Variants in RGS17 observed in about 807,000 individuals in gnomAD.
The protein encoded by RGS17 is regulator of G-protein signaling 17.
In RGS17, 12 loss-of-function variants were observed where a neutral mutation model predicts 25.5. The ratio of observed to expected loss-of-function variants is 0.47; its 90% CI spans 0.30 to 0.76. The LOEUF (loss-of-function observed/expected upper bound fraction) is 0.76. Ranked by LOEUF, RGS17 falls within the 30% of genes least tolerant of loss-of-function variation. RGS17 has a pLI of 0.07. For missense variants in RGS17, 196 were observed against 242.2 expected (o/e 0.81, Z 1.27); for synonymous variants, 71 against 76.9 (o/e 0.92, Z 0.40).
chr6:153,040,624 C>T (rs974989551), intron 2 of RGS17, among the ~76,000 whole-genome samples: 1 of 151,860 alleles, frequency 6.6e-6, no homozygotes. Flanking sequence ...CCCTAAATTA[C>T]ATTTTTAGTG....
In RGS17 at chr6:153,090,865, G is replaced by C. The variant is rs148903333; in HGVS notation, c.-26+40259C>G. 2.1e-3 allele frequency among the ~76,000 whole-genome samples: 283 copies of C among 136,700 alleles called. 2 individuals are homozygous for C. In the East Asian group the frequency reaches 0.032, roughly 16 times the overall value. The allele number at this position is 136,700 out of a possible 152,430, so 89.7% of individuals were successfully genotyped here. Reference sequence around the variant, plus strand: ...AAAAAAACATAGTATATATATATAGGGTTCTGTGGTTTCAGGTGTCCACAG... The same window carrying C: ...AAAAAAACATAGTATATATATATAGCGTTCTGTGGTTTCAGGTGTCCACAG... On this transcript the variant is annotated intron_variant, in intron 1 of 4. Transcript: ENST00000206262.
intron 4 of RGS17, among the ~76,000 whole-genome samples, chr6:153,019,525 G>C (rs984059292): frequency 6.6e-6 from 1 of 152,112 alleles, no homozygotes; most frequent in East Asian, 1.9e-4. Context: ...GGAGATGACT[G>C]GTTCATGGGG....
chr6:153,011,510 G>T lies in RGS17; in HGVS notation c.*64C>A. The T allele has an allele frequency of 8.8e-7, 1 of 1,135,430 alleles. No individual in the cohort carries two copies. The highest frequency in any genetic ancestry group is 1.3e-6 in the Non-Finnish European group (1 of 771,554). 70.3% of individuals were successfully genotyped at this position (1,135,430 alleles called of 1,614,324 possible). On this transcript the variant is annotated 3_prime_UTR_variant, in exon 5 of 5. Transcript: ENST00000206262. The stretch of plus-strand genomic sequence containing the variant: ...GTAGTTCTCCAGGAACTCAGTTTCT[G>T]ATGTTATTTAACTACTTTTATTTCC...
chr6:153,090,662 T>C (rs1053967637), intron 1 of RGS17, among the ~76,000 whole-genome samples: 1 of 151,936 alleles, frequency 6.6e-6, no homozygotes, highest in Non-Finnish European at 1.5e-5. Flanking sequence ...AAATAAACAA[T>C]GCATAAGATT....
intron 1 of RGS17, among the ~76,000 whole-genome samples, chr6:153,070,922 T>C (rs1458344920): frequency 6.6e-6 from 1 of 150,454 alleles, no homozygotes; most frequent in Non-Finnish European, 1.5e-5. Context: ...TGTGTACATG[T>C]GTATCTGTAC....
intron 1 of RGS17, among the ~76,000 whole-genome samples, chr6:153,045,391 T>A (rs1265512891): frequency 6.6e-6 from 1 of 152,130 alleles, no homozygotes; most frequent in East Asian, 1.9e-4. Context: ...TTTCTACTAT[T>A]CAGTAATGCC....
In RGS17 at chr6:153,065,231, A is replaced by C. The variant is rs796809910; in HGVS notation, c.-25-21188T>G. Among the ~76,000 whole-genome samples, 11 of 152,322 alleles carry C rather than the reference A, an allele frequency of 7.2e-5. No individual in the cohort carries two copies. In the South Asian group the frequency reaches 2.3e-3, roughly 32 times the overall value. ...TCACTATATAATGATAAAGAGGGTA[A>C]TTCAACAAGAGGATATAACAATTTT... On this transcript the variant is annotated intron_variant, in intron 1 of 4. Transcript: ENST00000206262.
intron 1 of RGS17, among the ~76,000 whole-genome samples, chr6:153,099,323 A>C (rs1442858570): frequency 6.6e-6 from 1 of 152,206 alleles, no homozygotes; most frequent in Non-Finnish European, 1.5e-5. Flanking sequence ...ATGTTTAGAT[A>C]GCTTTAGGAC....
At chr6:153,108,276 T>A (rs536129659) in intron 1 of RGS17, among the ~76,000 whole-genome samples, 1 of 152,368 alleles carries the variant, frequency 6.6e-6, no homozygotes, top group Admixed American at 6.5e-5. Context: ...AACATATTCC[T>A]TTAGGTTTTC....
At chr6:153,086,148 G>A (rs567376711) in intron 1 of RGS17, among the ~76,000 whole-genome samples, 5 of 151,820 alleles carry the variant, frequency 3.3e-5, no homozygotes, top group Non-Finnish European at 7.4e-5. Flanking sequence ...TCTGATTCTT[G>A]TATTTTTCTA....
intron 1 of RGS17, among the ~76,000 whole-genome samples, chr6:153,101,748 C>T (rs572548635): frequency 1.2e-4 from 19 of 152,030 alleles, no homozygotes; most frequent in Non-Finnish European, 2.1e-4. Context: ...AGTGAGTTCT[C>T]GTAAGATCTG....
At chr6:153,098,317 C>T (rs1490549972) in intron 1 of RGS17, among the ~76,000 whole-genome samples, 2 of 152,122 alleles carry the variant, frequency 1.3e-5, no homozygotes, top group Non-Finnish European at 2.9e-5. Flanking sequence ...TGATGACCAA[C>T]TAATATCTTC....
At chr6:153,046,762 A>G (rs1304030841) in intron 1 of RGS17, among the ~76,000 whole-genome samples, 1 of 152,050 alleles carries the variant, frequency 6.6e-6, no homozygotes, top group African/African-American at 2.4e-5. Flanking sequence ...TATATACCCA[A>G]CAAGATTTTC....
chr6:153,026,657 A>T, intron 2 of RGS17, 114 bp from the exon 3 acceptor site: 1 of 714,964 alleles, frequency 1.4e-6, no homozygotes, highest in African/African-American at 1.8e-5. Context: ...ACTATGTGAG[A>T]ATATTTAAAG....
rs1779110778 is a variant in RGS17 at position 153,009,532 on chromosome 6, ATCTT to A, written c.*2038_*2041del. 6.6e-6 allele frequency: 1 copy of A among 152,010 alleles called. No individual in the cohort carries two copies. Among genetic ancestry groups the A allele is most frequent in the African/African-American group, 2.4e-5 (1 of 41,444 alleles). 9.4% of individuals were successfully genotyped at this position (152,010 alleles called of 1,614,324 possible). ...ACTTTTTGTAAACATCTTCATAGCT[ATCTT>A]TTTTTCAACATATTACTGAAAACTT... On this transcript the variant is annotated 3_prime_UTR_variant, in exon 5 of 5. Coordinates refer to ENST00000206262, the MANE Select transcript of RGS17 (RefSeq NM_012419.5).
At chr6:153,126,192 C>T (rs1039220653) in intron 1 of RGS17, among the ~76,000 whole-genome samples, 6 of 152,316 alleles carry the variant, frequency 3.9e-5, no homozygotes, top group African/African-American at 1.2e-4. Flanking sequence ...TCTCTATGTA[C>T]TCCCATCTTT....
chr6:153,074,761 G>C (rs1035621439), intron 1 of RGS17, among the ~76,000 whole-genome samples: 1 of 152,098 alleles, frequency 6.6e-6, no homozygotes, highest in African/African-American at 2.4e-5. Flanking sequence ...ATTTTAAAAA[G>C]GATTTTTTGG....
chr6:153,025,093 T>G (rs1779285282), intron 3 of RGS17, among the ~76,000 whole-genome samples: 1 of 152,002 alleles, frequency 6.6e-6, no homozygotes, highest in African/African-American at 2.4e-5. Context: ...GAGGATCTCT[T>G]GAGTCCAGGA....
intron 4 of RGS17, among the ~76,000 whole-genome samples, chr6:153,017,464 C>A (rs768141795): frequency 6.6e-6 from 1 of 151,876 alleles, no homozygotes; most frequent in African/African-American, 2.4e-5. Context: ...CTGGGCTAAA[C>A]GGAGTCATAT....
Sources: gnomAD v4.1 joint callset for allele counts (sites outside exome capture counted in the v4.1 genomes callset) on GRCh38, gnomAD v4.1.1 for gene constraint, MANE v1.5 for transcripts, NCBI Gene and HGNC (gene_info 2026-07-23, HGNC 2026-07-21) for gene names.